Variants in CHMP6 observed in about 807,000 individuals in gnomAD.
CHMP6 encodes the protein chromatin-modifying protein 6.
Under a neutral mutation model 32.8 loss-of-function variants are expected in CHMP6, and 10 were observed. The ratio of observed to expected loss-of-function variants is 0.30; its 90% CI spans 0.19 to 0.52. The LOEUF (loss-of-function observed/expected upper bound fraction) is 0.52. Ranked by LOEUF, CHMP6 falls within the 20% of genes least tolerant of loss-of-function variation. CHMP6 has a pLI of 0.97. For synonymous variants in CHMP6, 123 were observed against 105.8 expected, an observed-to-expected ratio of 1.16 and a Z score of -1.00; for missense variants, 269 against 263.8, an observed-to-expected ratio of 1.02 and a Z score of -0.14.
In CHMP6 at chr17:80,995,118, G is replaced by A; in HGVS notation, c.261+12G>A. ...GCCTGGAGGCCATGGTAGGCGGCCG[G>A]GTGCTTCGCCCTGGAGTGCAGGTGC... On this transcript the variant is annotated intron_variant, in intron 3 of 7. Coordinates refer to ENST00000325167, the MANE Select transcript of CHMP6 (RefSeq NM_024591.5). 1.3e-6 allele frequency: 2 copies of A among 1,591,814 alleles called. No individual in the cohort carries two copies. The highest frequency in any genetic ancestry group is 1.8e-5 in the Admixed American group (1 of 55,052).
In CHMP6 at chr17:80,995,773, G is replaced by T. The variant is rs1323258244; in HGVS notation, c.348+15G>T. On this transcript the variant is annotated intron_variant, in intron 4 of 7. Transcript: ENST00000325167. The stretch of plus-strand genomic sequence containing the variant: ...AGATGCACCAGGTGAGTCTCTGCAG[G>T]GCCAGGGGCATGGAGGTGTGGGGAG... 1 of 1,612,934 alleles carries T rather than the reference G, an allele frequency of 6.2e-7. No homozygotes were observed. The highest frequency in any genetic ancestry group is 1.7e-5 in the Admixed American group (1 of 59,994).
In CHMP6 at chr17:80,999,438, C is replaced by G; in HGVS notation, c.*285C>G. On this transcript the variant is annotated 3_prime_UTR_variant, in exon 8 of 8. Transcript: ENST00000325167. ...GCTCCCCCGGTGGCCGAGGCCCAGG[C>G]CCAACGCCTCTGGTGCTGTTCCCCT... 1 of 444,930 alleles carries G rather than the reference C, an allele frequency of 2.2e-6. No homozygotes were observed. The highest frequency in any genetic ancestry group is 4.2e-6 in the Non-Finnish European group (1 of 239,786). The allele number at this position is 444,930 out of a possible 1,614,324, so 27.6% of individuals were successfully genotyped here.
Position 80,996,926 on chromosome 17 carries a change from C to T in CHMP6, c.349-81C>T. 3 of 1,368,942 alleles carry T rather than the reference C, an allele frequency of 2.2e-6. No homozygotes were observed. The South Asian group carries it at 3.9e-5, about 18-fold the overall frequency. The allele number at this position is 1,368,942 out of a possible 1,614,324, so 84.8% of individuals were successfully genotyped here. A position where few individuals can be genotyped will look rare whatever the true frequency, so the allele number is the denominator to read the frequency against. ...ATAAACAGAGGGGTGAGGCCATGGC[C>T]CTGAGAGCCCAGGAGGCCTCTGTCG... On this transcript the variant is annotated intron_variant, in intron 4 of 7. Coordinates refer to ENST00000325167, the MANE Select transcript of CHMP6 (RefSeq NM_024591.5).
Position 80,995,183 on chromosome 17 carries a change from A to C in CHMP6, c.261+77A>C, listed in dbSNP as rs2069626770. Reference sequence around the variant, plus strand: ...CCGCCCGGCTGCGTGGACATCAGAAATTTCTCCCGAGAGCTGAAAGCTCCT... The same window carrying C: ...CCGCCCGGCTGCGTGGACATCAGAACTTTCTCCCGAGAGCTGAAAGCTCCT... On this transcript the variant is annotated intron_variant, in intron 3 of 7. Coordinates refer to ENST00000325167, the MANE Select transcript of CHMP6 (RefSeq NM_024591.5). The C allele has an allele frequency of 2.2e-6, 3 of 1,393,658 alleles. No homozygotes were observed. The Admixed American group carries it at 6.4e-5, about 30-fold the overall frequency. The allele number at this position is 1,393,658 out of a possible 1,614,324, so 86.3% of individuals were successfully genotyped here. A position where few individuals can be genotyped will look rare whatever the true frequency, so the allele number is the denominator to read the frequency against.
chr17:80,997,309 G>T lies in CHMP6; in HGVS notation c.463G>T (p.Ala155Ser), dbSNP rs759621441. The T allele has an allele frequency of 2.8e-6, 4 of 1,424,570 alleles. No individual in the cohort carries two copies. Among genetic ancestry groups the T allele is most frequent in the South Asian group, 2.4e-5 (2 of 83,640 alleles). 88.2% of individuals were successfully genotyped at this position (1,424,570 alleles called of 1,614,324 possible). ...AGSFTQEDED[A>S]ILEELSAITQ... ...AAGCTTCACTCAGGAGGATGAAGAC[G>T]CCATCCTGGAGGAGCTGAGCGCAAT... The change falls in exon 6 of 8, where the codon GCC (alanine) becomes TCC (serine). Residue 155 changes from alanine to serine, a missense_variant. Transcript: ENST00000325167.
chr17:80,996,184 G>T (rs1221509289), intron 4 of CHMP6, among the ~76,000 whole-genome samples: 1 of 152,142 alleles, frequency 6.6e-6, no homozygotes, highest in Non-Finnish European at 1.5e-5. Context: ...GCCAGGCGTG[G>T]TGGCAGGCAC....
chr17:80,991,943 A>G lies in CHMP6; in HGVS notation c.25A>G (p.Lys9Glu). 1 of 1,468,494 alleles carries G rather than the reference A, an allele frequency of 6.8e-7. No homozygotes were observed. The highest frequency in any genetic ancestry group is 9.1e-7 in the Non-Finnish European group (1 of 1,103,838). The allele number at this position is 1,468,494 out of a possible 1,614,324, so 91.0% of individuals were successfully genotyped here. ...CATGGGTAACCTGTTCGGCCGCAAG[A>G]AGCAGAGCCGCGTCACGGAGCAGGA... MGNLFGRK[K>E]QSRVTEQDKA... The change falls in exon 1 of 8, where the codon AAG becomes GAG. Residue 9 changes from lysine to glutamate, a missense_variant. By Grantham distance (56) the Lys-to-Glu change is moderately conservative (BLOSUM62 1). Coordinates refer to ENST00000325167, the MANE Select transcript of CHMP6 (RefSeq NM_024591.5).
intron 6 of CHMP6, among the ~76,000 whole-genome samples, chr17:80,997,845 C>T (rs554669827): frequency 3.9e-5 from 6 of 152,254 alleles, no homozygotes; most frequent in Non-Finnish European, 7.3e-5. Context: ...CCCCGGCGCC[C>T]TGGTGCTGTG....
intron 1 of CHMP6, among the ~76,000 whole-genome samples, chr17:80,992,794 C>T (rs1297848909): frequency 1.3e-5 from 2 of 152,222 alleles, no homozygotes; most frequent in African/African-American, 2.4e-5. Context: ...ACGAGATAAA[C>T]GTGTCACGAA....
chr17:80,995,599 A>C, intron 3 of CHMP6, 73 bp from the exon 4 acceptor site: 1 of 1,356,102 alleles, frequency 7.4e-7, no homozygotes, highest in African/African-American at 1.4e-5. Context: ...TGTCATCCTG[A>C]ACCCTGCCCC....
Position 80,999,928 on chromosome 17 carries a change from C to T in CHMP6, c.*775C>T, listed in dbSNP as rs920685493. 2.0e-5 allele frequency: 3 copies of T among 152,272 alleles called. No individual in the cohort carries two copies. The highest frequency in any genetic ancestry group is 7.2e-5 in the African/African-American group (3 of 41,460). The allele number at this position is 152,272 out of a possible 1,614,324, so 9.4% of individuals were successfully genotyped here. On this transcript the variant is annotated 3_prime_UTR_variant, in exon 8 of 8. Coordinates refer to ENST00000325167, the MANE Select transcript of CHMP6 (RefSeq NM_024591.5). ...TCATGGAACTGCGAGACCCGGGACC[C>T]TCCTGCCCTGCGGGTCCCCGAGCCA... is the stretch of plus-strand genomic sequence containing the variant.
At chr17:80,998,515 G>A in intron 7 of CHMP6, 95 bp downstream of exon 7, 1 of 1,604,812 alleles carries the variant, frequency 6.2e-7, no homozygotes, top group South Asian at 1.1e-5. Context: ...AGGCCTTCCT[G>A]GGCCGTGGGC....
intron 5 of CHMP6, 60 bp from the exon 6 acceptor site, chr17:80,997,201 C>A (rs2069645133): frequency 3.1e-6 from 5 of 1,606,436 alleles, no homozygotes; most frequent in Non-Finnish European, 4.3e-6. Flanking sequence ...CACAGGCCAT[C>A]TCCTTCCTCC....
At chr17:80,995,206 C>T in intron 3 of CHMP6, 100 bp downstream of exon 3, 2 of 1,178,914 alleles carry the variant, frequency 1.7e-6, no homozygotes, top group Non-Finnish European at 1.2e-6. Flanking sequence ...GCTGAAAGCT[C>T]CTCTCAGATG....
chr17:80,996,974 A>C, intron 4 of CHMP6, 33 bp from the exon 5 acceptor site: 1 of 1,597,614 alleles, frequency 6.3e-7, no homozygotes. Context: ...TGGCCTCGCG[A>C]CAGGGGTCAA....
At chr17:80,994,521 T>C in intron 1 of CHMP6, 60 bp from the exon 2 acceptor site, 1 of 1,456,058 alleles carries the variant, frequency 6.9e-7, no homozygotes, top group Non-Finnish European at 9.3e-7. Context: ...TGGCGCTCAG[T>C]AGCGTGGCCA....
At chr17:80,998,647 A>G (rs550656207) in intron 7 of CHMP6, 7 of 1,412,084 alleles carry the variant, frequency 5.0e-6, no homozygotes, top group South Asian at 1.5e-5. Flanking sequence ...CCATTCAAAG[A>G]GACACATTCA....
At chr17:80,997,126 C>A in intron 5 of CHMP6, 54 bp downstream of exon 5, 1 of 1,607,122 alleles carries the variant, frequency 6.2e-7, no homozygotes, top group Non-Finnish European at 8.5e-7. Flanking sequence ...ACAAGGCCAC[C>A]CTCGAGGGCC....
At chr17:80,996,735 G>A (rs1398883363) in intron 4 of CHMP6, among the ~76,000 whole-genome samples, 1 of 152,220 alleles carries the variant, frequency 6.6e-6, no homozygotes, top group Non-Finnish European at 1.5e-5. Flanking sequence ...CGGCCCCTGT[G>A]GCCTCAGGAC....
Sources: gnomAD v4.1 joint callset for allele counts (sites outside exome capture counted in the v4.1 genomes callset) on GRCh38, gnomAD v4.1.1 for gene constraint, MANE v1.5 for transcripts, NCBI Gene and HGNC (gene_info 2026-07-23, HGNC 2026-07-21) for gene names.